The following GABRG1 variants were observed in gnomAD, a reference collection of about 807,000 sequenced individuals.
GABRG1 encodes the protein gamma-aminobutyric acid receptor subunit gamma-1.
GABRG1 carries 49 observed loss-of-function variants against 49.8 expected under a neutral mutation model. The observed-to-expected ratio is 0.98, with a 90% CI of 0.78 to 1.25. The LOEUF (loss-of-function observed/expected upper bound fraction) is 1.25, where lower values mean the gene tolerates loss of function less well. GABRG1 is among the 50% of genes most tolerant of loss of function. GABRG1 has a pLI of 0.00. For synonymous variants in GABRG1, 232 were observed against 185.1 expected (o/e 1.25, Z -2.06); for missense variants, 552 against 552.3 (o/e 1.00, Z 0.01).
intron 1 of GABRG1, among the ~76,000 whole-genome samples, chr4:46,107,723 T>C (rs1290425479): frequency 6.8e-6 from 1 of 147,666 alleles, no homozygotes; most frequent in Non-Finnish European, 1.5e-5. Context: ...AAATATTCTG[T>C]TAACTTGTTG....
At chr4:46,041,886 G>C (rs928669232) in intron 8 of GABRG1, among the ~76,000 whole-genome samples, 3 of 151,958 alleles carry the variant, frequency 2.0e-5, no homozygotes, top group African/African-American at 7.2e-5. Flanking sequence ...TGATAGCTAT[G>C]ATAAGTAAAT....
chr4:46,079,618 A>G (rs1293763692), intron 3 of GABRG1, among the ~76,000 whole-genome samples: 1 of 151,866 alleles, frequency 6.6e-6, no homozygotes, highest in Non-Finnish European at 1.5e-5. Context: ...CTACAATTAA[A>G]TTCATGTCCA....
At chr4:46,112,175 A>T (rs978692403) in intron 1 of GABRG1, among the ~76,000 whole-genome samples, 2 of 151,348 alleles carry the variant, frequency 1.3e-5, no homozygotes, top group African/African-American at 2.4e-5. Context: ...AAAAGTAGGA[A>T]AATACATGAA....
At chr4:46,089,319 T>A in intron 2 of GABRG1, among the ~76,000 whole-genome samples, 1 of 152,064 alleles carries the variant, frequency 6.6e-6, no homozygotes, top group Admixed American at 6.6e-5. Flanking sequence ...AGCCTTTAAC[T>A]TACACCTAAG....
At chr4:46,059,568 T>TA (rs1324035458) in intron 5 of GABRG1, among the ~76,000 whole-genome samples, 30 of 151,406 alleles carry the variant, frequency 2.0e-4, no homozygotes, top group Admixed American at 9.2e-4. Flanking sequence ...CCTTTTTTTT[T>TA]AATTTTCTTT....
intron 1 of GABRG1, among the ~76,000 whole-genome samples, chr4:46,110,106 C>G (rs1181111439): frequency 6.6e-6 from 1 of 151,068 alleles, no homozygotes; most frequent in Non-Finnish European, 1.5e-5. Flanking sequence ...CTAATGCTTT[C>G]AGTGGGATGT....
intron 1 of GABRG1, among the ~76,000 whole-genome samples, chr4:46,112,134 A>T (rs571310107): frequency 1.4e-4 from 21 of 151,472 alleles, no homozygotes; most frequent in African/African-American, 3.9e-4. Context: ...GAACTTAAAC[A>T]ATTGAAAATC....
At chr4:46,084,853 T>C (rs1282263236) in intron 2 of GABRG1, among the ~76,000 whole-genome samples, 1 of 151,654 alleles carries the variant, frequency 6.6e-6, no homozygotes, top group East Asian at 1.9e-4. Context: ...CATAGGCTGA[T>C]GACTTCTGAG....
At chr4:46,089,870 G>C (rs1719918051) in intron 2 of GABRG1, among the ~76,000 whole-genome samples, 1 of 152,026 alleles carries the variant, frequency 6.6e-6, no homozygotes, top group Non-Finnish European at 1.5e-5. Flanking sequence ...GGCTGAGGTG[G>C]AGGGATCAGC....
Position 46,067,125 on chromosome 4 carries a change from A to G in GABRG1, c.322-1541T>C, listed in dbSNP as rs182917463. ...CAATAAATGAAAAATGGAAAAAAAA[A>G]TTACAAGTGGTTCATAAGTAAACAA... On this transcript the variant is annotated intron_variant, in intron 3 of 8. Transcript: ENST00000295452. Among the ~76,000 whole-genome samples, 6 of 152,064 alleles carry G rather than the reference A, an allele frequency of 3.9e-5. No individual in the cohort carries two copies. The East Asian group carries it at 1.2e-3, about 29-fold the overall frequency.
intron 8 of GABRG1, among the ~76,000 whole-genome samples, chr4:46,049,801 C>A (rs1387013432): frequency 6.6e-6 from 1 of 151,902 alleles, no homozygotes; most frequent in Non-Finnish European, 1.5e-5. Flanking sequence ...GCTGAGTGTA[C>A]ATGATCTGCG....
At position 46,064,459 on chromosome 4, in the gene GABRG1, G is replaced by A. The variant is rs747255437; in HGVS notation, c.607C>T (p.Pro203Ser). ...TACTTACAGCTTGAAAATTCCAGTG[G>A]ACAGGAATGTTCATCCATGGGAAAG... The part of the protein sequence containing the change: ...HNFPMDEHSC[P>S]LEFSSYGYPK... Residue 203 changes from proline (P) to serine (S), a missense_variant, in exon 5 of 9, where the codon CCA becomes TCA. Pro to Ser is a moderately conservative substitution (Grantham distance 74, BLOSUM62 -1). Transcript: ENST00000295452. 6.5e-7 allele frequency: 1 copy of A among 1,537,488 alleles called. No individual in the cohort carries two copies. Among genetic ancestry groups the A allele is most frequent in the Admixed American group, 2.0e-5 (1 of 50,372 alleles).
Position 46,036,920 on chromosome 4 carries a change from C to T in GABRG1, c.*4068G>A, listed in dbSNP as rs1447819381. ...TTGTTCTAACCTAACCTTTCATTGT[C>T]TCTATATGAATCTTAACTTCCAATT... On this transcript the variant is annotated 3_prime_UTR_variant, in exon 9 of 9. Transcript: ENST00000295452. 2 of 151,776 alleles carry T rather than the reference C, an allele frequency of 1.3e-5. No individual in the cohort carries two copies. Among genetic ancestry groups the T allele is most frequent in the Non-Finnish European group, 2.9e-5 (2 of 67,836 alleles). 9.4% of individuals were successfully genotyped at this position (151,776 alleles called of 1,614,324 possible).
intron 3 of GABRG1, among the ~76,000 whole-genome samples, chr4:46,079,891 C>T (rs570969858): frequency 6.6e-6 from 1 of 151,898 alleles, no homozygotes; most frequent in East Asian, 1.9e-4. Flanking sequence ...ACCATTTTGT[C>T]TCATAAACTC....
At chr4:46,088,804 T>TG (rs1491408067) in intron 2 of GABRG1, among the ~76,000 whole-genome samples, 48 of 145,592 alleles carry the variant, frequency 3.3e-4, no homozygotes, top group Admixed American at 9.5e-4. Flanking sequence ...TGTGTGTGTG[T>TG]TTGTGTGTGT....
intron 8 of GABRG1, among the ~76,000 whole-genome samples, chr4:46,042,872 A>G (rs1356170548): frequency 6.6e-6 from 1 of 152,014 alleles, no homozygotes; most frequent in Non-Finnish European, 1.5e-5. Context: ...AAGTAAGTTC[A>G]TGATTAAACT....
intron 5 of GABRG1, among the ~76,000 whole-genome samples, chr4:46,063,893 T>C (rs1023720376): frequency 1.3e-5 from 2 of 152,152 alleles, no homozygotes; most frequent in Non-Finnish European, 2.9e-5. Context: ...CCGGTTTTTA[T>C]ACTCTAATTA....
At chr4:46,057,584 C>G (rs768706178) in intron 7 of GABRG1, among the ~76,000 whole-genome samples, 4 of 152,026 alleles carry the variant, frequency 2.6e-5, no homozygotes, top group Non-Finnish European at 5.9e-5. Flanking sequence ...TAGATTGTTA[C>G]AGAAAAATAG....
intron 8 of GABRG1, among the ~76,000 whole-genome samples, chr4:46,049,434 A>G (rs1316203121): frequency 6.6e-6 from 1 of 151,954 alleles, no homozygotes; most frequent in Non-Finnish European, 1.5e-5. Flanking sequence ...ACATAATTGA[A>G]CAAAGAAAAG....
Sources: allele counts gnomAD v4.1 joint callset (sites outside exome capture counted in the v4.1 genomes callset), GRCh38; gene constraint gnomAD v4.1.1; transcripts MANE v1.5; gene names NCBI Gene and HGNC (gene_info 2026-07-23, HGNC 2026-07-21).